STAT3: variants seen among roughly 807,000 people sequenced by gnomAD.
STAT3 encodes the protein signal transducer and activator of transcription 3, also known as DNA-binding protein APRF.
Under a neutral mutation model 114.3 loss-of-function variants are expected in STAT3, and 7 were observed. The ratio of observed to expected loss-of-function variants is 0.06; its 90% CI spans 0.03 to 0.11. The LOEUF (loss-of-function observed/expected upper bound fraction) is 0.11. Ranked by LOEUF, STAT3 falls within the 10% of genes least tolerant of loss-of-function variation. The probability of loss-of-function intolerance (pLI) is 1.00; values close to 1 mark genes in which losing one functional copy is unlikely to be tolerated. For missense variants in STAT3, 364 were observed against 960.9 expected (o/e 0.38, Z 8.21); for synonymous variants, 331 against 354.5 (o/e 0.93, Z 0.74).
chr17:42,336,508 A>C (rs1462725091), intron 8 of STAT3, among the ~76,000 whole-genome samples: 1 of 151,992 alleles, frequency 6.6e-6, no homozygotes, highest in East Asian at 1.9e-4. Flanking sequence ...TAAGGTGGGA[A>C]GACTGCCTGA....
intron 1 of STAT3, among the ~76,000 whole-genome samples, chr17:42,383,339 C>G (rs1425065099): frequency 2.6e-5 from 4 of 151,100 alleles, no homozygotes; most frequent in African/African-American, 9.7e-5. Flanking sequence ...TTACAGGCAT[C>G]AGCCACCATG....
chr17:42,319,541 C>CAAAAAA (rs552897255), intron 21 of STAT3, among the ~76,000 whole-genome samples: 1 of 43,842 alleles, frequency 2.3e-5, no homozygotes, highest in African/African-American at 1.2e-4. Context: ...GACTCAGGCT[C>CAAAAAA]AAAAAAAAAA....
chr17:42,354,310 C>T (rs1372372717), intron 1 of STAT3, among the ~76,000 whole-genome samples: 1 of 150,330 alleles, frequency 6.7e-6, no homozygotes, highest in Non-Finnish European at 1.5e-5. Flanking sequence ...GCTGGGACTA[C>T]AGGCATGCCC....
chr17:42,339,510 C>T, intron 4 of STAT3, 101 bp from the exon 5 acceptor site: 12 of 1,143,852 alleles, frequency 1.0e-5, no homozygotes, highest in Non-Finnish European at 1.6e-5. Context: ...TCTTGTTTGG[C>T]TTGAGACGCT....
intron 1 of STAT3, among the ~76,000 whole-genome samples, chr17:42,382,720 C>T (rs997591657): frequency 6.6e-6 from 1 of 151,708 alleles, no homozygotes; most frequent in Admixed American, 6.6e-5. Flanking sequence ...GATCTCAGCT[C>T]ACTGCAAGCT....
chr17:42,342,259 G>A (rs2082473047), intron 4 of STAT3, among the ~76,000 whole-genome samples: 1 of 152,060 alleles, frequency 6.6e-6, no homozygotes, highest in South Asian at 2.1e-4. Flanking sequence ...GAGGTGGATG[G>A]ATCACCTGAG....
chr17:42,321,530 C>G (rs1294999776), intron 21 of STAT3, among the ~76,000 whole-genome samples: 1 of 152,146 alleles, frequency 6.6e-6, no homozygotes, highest in African/African-American at 2.4e-5. Flanking sequence ...GCCCCTCCAC[C>G]CAGTCACTGT....
At chr17:42,373,194 C>T (rs770306198) in intron 1 of STAT3, among the ~76,000 whole-genome samples, 2 of 151,982 alleles carry the variant, frequency 1.3e-5, no homozygotes, top group Admixed American at 1.3e-4. Flanking sequence ...ATCAAACATA[C>T]AAAAAATTAG....
intron 10 of STAT3, 24 bp from the exon 11 acceptor site, chr17:42,331,555 G>A (rs546618823): frequency 1.2e-6 from 2 of 1,601,474 alleles, no homozygotes; most frequent in Admixed American, 1.7e-5. Context: ...AAAAATCCAA[G>A]GAAAAAAAGT....
At chr17:42,326,256 C>A (rs2081717664) in intron 14 of STAT3, 57 bp from the exon 15 acceptor site, 1 of 1,548,546 alleles carries the variant, frequency 6.5e-7, no homozygotes, top group Non-Finnish European at 8.9e-7. Context: ...GCCTGTAATC[C>A]CAGCACTTTG....
chr17:42,382,093 T>C (rs1224319951), intron 1 of STAT3, among the ~76,000 whole-genome samples: 1 of 152,168 alleles, frequency 6.6e-6, no homozygotes, highest in Non-Finnish European at 1.5e-5. Flanking sequence ...CCTTCAGCCT[T>C]GAATGCAACT....
chr17:42,350,337 G>GAT (rs1490361799), intron 1 of STAT3, among the ~76,000 whole-genome samples: 1 of 152,138 alleles, frequency 6.6e-6, no homozygotes, highest in Non-Finnish European at 1.5e-5. Flanking sequence ...TGAAAGGTGC[G>GAT]ATCGTGGAAC....
chr17:42,359,480 C>CA (rs535877789), intron 1 of STAT3, among the ~76,000 whole-genome samples: 84 of 152,210 alleles, frequency 5.5e-4, no homozygotes, highest in Non-Finnish European at 9.0e-4. Flanking sequence ...CAAATATCTC[C>CA]ATACGTATTT....
chr17:42,348,947 T>C (rs1459963707), intron 1 of STAT3, among the ~76,000 whole-genome samples: 1 of 152,106 alleles, frequency 6.6e-6, no homozygotes, highest in South Asian at 2.1e-4. Context: ...TAGAGTGCAA[T>C]GGCATGATCA....
At chr17:42,375,728 C>G (rs1287984866) in intron 1 of STAT3, among the ~76,000 whole-genome samples, 1 of 151,438 alleles carries the variant, frequency 6.6e-6, no homozygotes, top group Non-Finnish European at 1.5e-5. Context: ...ACTCGGGAGG[C>G]TTAGGCAAGA....
At chr17:42,347,120 A>G (rs1462604050) in intron 2 of STAT3, among the ~76,000 whole-genome samples, 3 of 148,090 alleles carry the variant, frequency 2.0e-5, no homozygotes, top group African/African-American at 7.5e-5. Context: ...TCCAAGAGGC[A>G]GAGGTGCAGT....
In STAT3 at chr17:42,333,596, T is replaced by TG; in HGVS notation, c.1049+76dup. The TG allele has an allele frequency of 6.5e-7, 1 of 1,537,830 alleles. No homozygotes were observed. The highest frequency in any genetic ancestry group is 1.4e-5 in the African/African-American group (1 of 73,490). ...ACACCACACCTGGAAAGAATGACCC[T>TG]GGCCACCAACTCTACCCTCACCCTA... On this transcript the variant is annotated intron_variant, in intron 10 of 23. Transcript: ENST00000264657. This position sits in a 1 kb window ranked among gnomAD's most constrained non-coding sequence, Gnocchi z 5.2.
intron 1 of STAT3, among the ~76,000 whole-genome samples, chr17:42,356,233 T>C (rs2083219866): frequency 6.6e-6 from 1 of 152,068 alleles, no homozygotes; most frequent in Admixed American, 6.6e-5. Context: ...GTGGAAAATT[T>C]AGAAAAATAT....
Position 42,323,265 on chromosome 17 carries a change from G to A in STAT3, c.1743C>T (p.Asn581=), listed in dbSNP as rs1141144. 1.1e-4 allele frequency: 177 copies of A among 1,614,168 alleles called. 1 individual carries two copies. The South Asian group carries it at 1.3e-3, about 12-fold the overall frequency. Residue 581 remains asparagine (N), a synonymous_variant, in exon 19 of 24, where the codon AAC becomes AAT. Coordinates refer to ENST00000264657, the MANE Select transcript of STAT3 (RefSeq NM_139276.3). The part of the protein sequence containing the change: ...LVKKYILALW[N]EGYIMGFISK... The stretch of plus-strand genomic sequence containing the variant: ...GCACACTCTGTCCAACCTACCCTTC[G>A]TTCCAAAGGGCCAGGATGTACTTTT...
Sources: allele counts gnomAD v4.1 joint callset (sites outside exome capture counted in the v4.1 genomes callset), GRCh38; gene constraint gnomAD v4.1.1; non-coding constraint Gnocchi (gnomAD v3.1); transcripts MANE v1.5; gene names NCBI Gene and HGNC (gene_info 2026-07-23, HGNC 2026-07-21).